The following CDK5RAP2 variants were observed in gnomAD, a reference collection of about 807,000 sequenced individuals.
CDK5RAP2 encodes CDK5 regulatory subunit associated protein 2.
Under a neutral mutation model 232.9 loss-of-function variants are expected in CDK5RAP2, and 147 were observed. That is an observed-to-expected ratio of 0.63 (90% CI 0.55 to 0.72). The LOEUF (loss-of-function observed/expected upper bound fraction) is 0.72, where lower values mean the gene tolerates loss of function less well. Ranked by LOEUF, CDK5RAP2 falls within the 30% of genes least tolerant of loss-of-function variation. The pLI, the probability that CDK5RAP2 is intolerant of heterozygous loss-of-function variation, is 0.00. For synonymous variants in CDK5RAP2, 833 were observed against 833.7 expected, an observed-to-expected ratio of 1.00 and a Z score of 0.01; for missense variants, 2,195 against 2,231.5, an observed-to-expected ratio of 0.98 and a Z score of 0.33.
chr9:120,580,163 G>A lies in CDK5RAP2; in HGVS notation c.-185C>T, dbSNP rs536243883. On this transcript the variant is annotated 5_prime_UTR_variant, in exon 1 of 38. Transcript: ENST00000349780. ...ATCTTTCCCGGCGCTTCTTCCTACGGAAACGAGGCGGGGTCACGGAGGCGC... is the reference window on the plus strand; with the variant it reads ...ATCTTTCCCGGCGCTTCTTCCTACGAAAACGAGGCGGGGTCACGGAGGCGC... The A allele has an allele frequency of 1.0e-5, 6 of 577,916 alleles. No homozygotes were observed. The African/African-American group carries it at 1.1e-4, about 11-fold the overall frequency. The allele number at this position is 577,916 out of a possible 1,614,324, so 35.8% of individuals were successfully genotyped here.
chr9:120,481,269 A>G (rs2038290172), intron 14 of CDK5RAP2, among the ~76,000 whole-genome samples: 1 of 152,242 alleles, frequency 6.6e-6, no homozygotes, highest in Non-Finnish European at 1.5e-5. Flanking sequence ...TCACTGCCCC[A>G]TAATAGATGC....
intron 5 of CDK5RAP2, among the ~76,000 whole-genome samples, chr9:120,543,857 A>C (rs1268925000): frequency 6.6e-6 from 1 of 152,112 alleles, no homozygotes; most frequent in Non-Finnish European, 1.5e-5. Flanking sequence ...CTGTCTCAAA[A>C]AATAATAATA....
In CDK5RAP2 at chr9:120,403,769, G is replaced by A. The variant is rs2033238788; in HGVS notation, c.5041+267C>T. On this transcript the variant is annotated intron_variant, in intron 33 of 37. Transcript: ENST00000349780. This position sits in a 1 kb window ranked among gnomAD's most constrained non-coding sequence, Gnocchi z 4.2. ...ACGGACCCACTGGAGCTGGATCCTG[G>A]AGGGCCTTGAAAGCCTCACAAAGGT... The A allele has an allele frequency of 2.0e-6, 1 of 508,862 alleles. No individual in the cohort carries two copies. Among genetic ancestry groups the A allele is most frequent in the Non-Finnish European group, 3.6e-6 (1 of 280,328 alleles). The allele number at this position is 508,862 out of a possible 1,614,324, so 31.5% of individuals were successfully genotyped here. A position where few individuals can be genotyped will look rare whatever the true frequency, so the allele number is the denominator to read the frequency against.
intron 3 of CDK5RAP2, among the ~76,000 whole-genome samples, chr9:120,554,373 C>T (rs574870859): frequency 6.6e-6 from 1 of 152,266 alleles, no homozygotes; most frequent in African/African-American, 2.4e-5. Flanking sequence ...CATTATAGTT[C>T]ATGCATCTGT....
chr9:120,514,758 T>C (rs1354360169), intron 12 of CDK5RAP2, among the ~76,000 whole-genome samples: 1 of 152,028 alleles, frequency 6.6e-6, no homozygotes, highest in Non-Finnish European at 1.5e-5. Flanking sequence ...CTCACCCCAA[T>C]CCCTGCCCTA....
intron 20 of CDK5RAP2, 66 bp from the exon 21 acceptor site, chr9:120,453,939 G>T: frequency 6.7e-7 from 1 of 1,498,190 alleles, no homozygotes; most frequent in Non-Finnish European, 9.3e-7. Context: ...CCCCTAGCCA[G>T]TATCCCAAGT....
At chr9:120,527,768 A>C (rs2040968925) in intron 10 of CDK5RAP2, 38 bp downstream of exon 10, 4 of 1,609,622 alleles carry the variant, frequency 2.5e-6, no homozygotes, top group Non-Finnish European at 3.4e-6. Flanking sequence ...CATAGAAGCT[A>C]ATAAAGAAAA....
chr9:120,515,755 A>G (rs941061058), intron 12 of CDK5RAP2, among the ~76,000 whole-genome samples: 13 of 152,236 alleles, frequency 8.5e-5, no homozygotes, highest in South Asian at 8.3e-4. Context: ...GCAGCCAAAA[A>G]ACACATGAAA....
rs369421452 is a variant in CDK5RAP2 at position 120,419,626 on chromosome 9, T to C, written c.4177+162A>G. ...CACTTTCAACAACCATAGCTTTCTC[T>C]AGTGATAAAGGATACTCTGAATGAC... On this transcript the variant is annotated intron_variant, in intron 27 of 37. Transcript: ENST00000349780. Among the ~76,000 whole-genome samples the C allele has an allele frequency of 3.9e-5, 6 of 152,204 alleles. 1 individual carries two copies. The East Asian group carries it at 5.8e-4, about 15-fold the overall frequency.
At chr9:120,533,792 C>A (rs1205057455) in intron 7 of CDK5RAP2, among the ~76,000 whole-genome samples, 1 of 128,748 alleles carries the variant, frequency 7.8e-6, no homozygotes, top group Non-Finnish European at 1.6e-5. Flanking sequence ...AGTTAAGACT[C>A]CATCTAAAAA....
chr9:120,529,115 G>A (rs562244494), intron 8 of CDK5RAP2, among the ~76,000 whole-genome samples: 1 of 152,364 alleles, frequency 6.6e-6, no homozygotes, highest in South Asian at 2.1e-4. Context: ...AGGAGGGACA[G>A]GAGACAACTG....
In CDK5RAP2 at chr9:120,547,953, T is replaced by C. The variant is rs569645152; in HGVS notation, c.307-2163A>G. Reference sequence around the variant, plus strand: ...CTTTAACTGTCCTTAGACATATAAGTCCACAGGGTGAGAAAGCAATGCTTC... The same window carrying C: ...CTTTAACTGTCCTTAGACATATAAGCCCACAGGGTGAGAAAGCAATGCTTC... On this transcript the variant is annotated intron_variant, in intron 4 of 37. Coordinates refer to ENST00000349780, the MANE Select transcript of CDK5RAP2 (RefSeq NM_018249.6). 7.8e-4 allele frequency among the ~76,000 whole-genome samples: 118 copies of C among 152,256 alleles called. 2 individuals carry two copies. Among genetic ancestry groups the C allele is most frequent in the Admixed American group, 2.8e-3 (43 of 15,306 alleles).
chr9:120,409,505 G>A (rs1372972889), intron 29 of CDK5RAP2, among the ~76,000 whole-genome samples, 189 bp from the exon 30 acceptor site: 6 of 152,234 alleles, frequency 3.9e-5, no homozygotes, highest in South Asian at 4.1e-4. Flanking sequence ...CAGATTAAAC[G>A]TCACTGGGAT....
At chr9:120,446,428 G>A (rs950775124) in intron 22 of CDK5RAP2, among the ~76,000 whole-genome samples, 2 of 152,098 alleles carry the variant, frequency 1.3e-5, no homozygotes, top group East Asian at 1.9e-4. Flanking sequence ...GTTTCGCCAC[G>A]TTGGCCAAGC....
At chr9:120,439,343 T>C in intron 24 of CDK5RAP2, 56 bp downstream of exon 24, 1 of 1,399,936 alleles carries the variant, frequency 7.1e-7, no homozygotes, top group South Asian at 1.2e-5. Context: ...TCCCACCTAG[T>C]GGCAATACTG....
At chr9:120,557,471 C>A (rs1202582669) in intron 3 of CDK5RAP2, among the ~76,000 whole-genome samples, 1 of 152,122 alleles carries the variant, frequency 6.6e-6, no homozygotes, top group Non-Finnish European at 1.5e-5. Flanking sequence ...TTAAGAATTT[C>A]TTGGCCAGGC....
At position 120,400,566 on chromosome 9, in the gene CDK5RAP2, T is replaced by C. The variant is rs1321698373; in HGVS notation, c.5451+176A>G. Among the ~76,000 whole-genome samples, 9 of 151,736 alleles carry C rather than the reference T, an allele frequency of 5.9e-5. No individual in the cohort carries two copies. In the South Asian group the frequency reaches 1.7e-3, roughly 28 times the overall value. ...CTCAGACGGGTCATGGCTACAGGAG[T>C]GTGGGACGGATCAAGTAAGAACACA... On this transcript the variant is annotated intron_variant, in intron 35 of 37. Transcript: ENST00000349780.
intron 12 of CDK5RAP2, among the ~76,000 whole-genome samples, chr9:120,509,977 ATTTT>A (rs1034650821): frequency 6.6e-6 from 1 of 151,070 alleles, no homozygotes; most frequent in Admixed American, 6.6e-5. Flanking sequence ...ATATATATAC[ATTTT>A]TTTTTAGGGC....
intron 3 of CDK5RAP2, among the ~76,000 whole-genome samples, chr9:120,560,907 G>A (rs1299654086): frequency 6.6e-6 from 1 of 151,550 alleles, no homozygotes; most frequent in Non-Finnish European, 1.5e-5. Context: ...GTGAGCCACC[G>A]CACCCAGCCG....
Sources: allele counts gnomAD v4.1 joint callset (sites outside exome capture counted in the v4.1 genomes callset), GRCh38; gene constraint gnomAD v4.1.1; non-coding constraint Gnocchi (gnomAD v3.1); transcripts MANE v1.5; gene names NCBI Gene and HGNC (gene_info 2026-07-23, HGNC 2026-07-21).